Variants in FGD5 observed in about 807,000 individuals in gnomAD.
FGD5 encodes FYVE, RhoGEF and PH domain-containing protein 5.
Under a neutral mutation model 133.4 loss-of-function variants are expected in FGD5, and 28 were observed. That is an observed-to-expected ratio of 0.21 (90% confidence interval 0.16 to 0.29). FGD5 has a LOEUF of 0.29. Among genes scored for constraint, FGD5 ranks in the 10% least tolerant of loss-of-function variants. The pLI, the probability that FGD5 is intolerant of heterozygous loss-of-function variation, is 1.00. For synonymous variants in FGD5, 810 were observed against 776.5 expected, an observed-to-expected ratio of 1.04 and a Z score of -0.72; for missense variants, 1,858 against 1,895.2, an observed-to-expected ratio of 0.98 and a Z score of 0.36.
At chr3:14,913,946 C>A (rs898877319) in intron 11 of FGD5, among the ~76,000 whole-genome samples, 1 of 137,436 alleles carries the variant, frequency 7.3e-6, no homozygotes, top group Non-Finnish European at 1.6e-5. Context: ...TCCCCACACT[C>A]CCCCCGTCTG....
In FGD5 at chr3:14,890,137, C is replaced by T. The variant is rs1575235124; in HGVS notation, c.2749-7372C>T. ...ACTCCGCCTGAACCGTACTCCACCC[C>T]TCAGCTCCTCTTCCGCCTCAGGACC... On this transcript the variant is annotated intron_variant, in intron 4 of 19. Coordinates refer to ENST00000285046, the MANE Select transcript of FGD5 (RefSeq NM_152536.4). Among the ~76,000 whole-genome samples the T allele has an allele frequency of 2.0e-5, 3 of 152,200 alleles. No homozygotes were observed. The South Asian group carries it at 6.2e-4, about 31-fold the overall frequency.
intron 9 of FGD5, among the ~76,000 whole-genome samples, chr3:14,902,954 G>C (rs1375907596): frequency 3.3e-5 from 5 of 152,226 alleles, no homozygotes; most frequent in African/African-American, 1.2e-4. Flanking sequence ...GAAGTTGGAC[G>C]CTGTGCTGGG....
intron 1 of FGD5, among the ~76,000 whole-genome samples, chr3:14,850,142 C>T (rs918502094): frequency 5.3e-5 from 8 of 152,186 alleles, no homozygotes; most frequent in Non-Finnish European, 1.0e-4. Flanking sequence ...GGTCTGGCTT[C>T]CTCTGACTCC....
chr3:14,925,423 C>T (rs1431393199), intron 17 of FGD5, among the ~76,000 whole-genome samples: 1 of 152,044 alleles, frequency 6.6e-6, no homozygotes, highest in Admixed American at 6.6e-5. Flanking sequence ...ACATTGCATT[C>T]CTCTTTTACT....
intron 4 of FGD5, among the ~76,000 whole-genome samples, chr3:14,896,198 A>G (rs2125131132): frequency 6.6e-6 from 1 of 152,360 alleles, no homozygotes; most frequent in Admixed American, 6.5e-5. Context: ...TATTGCTAAA[A>G]TGACAATACT....
chr3:14,817,407 G>T (rs1011673973), upstream of FGD5, among the ~76,000 whole-genome samples: 2 of 152,278 alleles, frequency 1.3e-5, no homozygotes, highest in Admixed American at 1.3e-4. Context: ...TGTTGACCAG[G>T]CTGGTCTCGA....
intron 1 of FGD5, among the ~76,000 whole-genome samples, chr3:14,857,684 C>T (rs189439392): frequency 3.9e-5 from 6 of 152,112 alleles, no homozygotes; most frequent in African/African-American, 1.4e-4. Flanking sequence ...CCTTAGTGTC[C>T]GCTAGAGAGC....
chr3:14,877,467 G>A (rs971621122), intron 2 of FGD5, among the ~76,000 whole-genome samples: 10 of 152,214 alleles, frequency 6.6e-5, no homozygotes, highest in African/African-American at 2.4e-4. Context: ...AGAAGTTTGG[G>A]TATGGTGTGA....
chr3:14,910,970 G>A (rs2038437632), intron 11 of FGD5, 41 bp downstream of exon 11: 1 of 1,577,666 alleles, frequency 6.3e-7, no homozygotes. Flanking sequence ...GAACTGCCAA[G>A]TTCTATGAGG....
chr3:14,866,995 C>T (rs1200879873), intron 2 of FGD5, among the ~76,000 whole-genome samples: 3 of 152,160 alleles, frequency 2.0e-5, no homozygotes, highest in Admixed American at 2.0e-4. Flanking sequence ...CCAGACTTCT[C>T]ATCAGCTATA....
rs1363046188 is a variant in FGD5 at position 14,897,929 on chromosome 3, C to G, written c.2910-10C>G. On this transcript the variant is annotated splice_polypyrimidine_tract_variant and intron_variant, in intron 5 of 19. Transcript: ENST00000285046. ...AGTTCTCACTGTCCCATCCCCATTC[C>G]TGGCTGCAGGGAGAGCCAGCAGAAG... The G allele has an allele frequency of 6.2e-7, 1 of 1,613,930 alleles. No individual in the cohort carries two copies. Among genetic ancestry groups the G allele is most frequent in the Non-Finnish European group, 8.5e-7 (1 of 1,179,856 alleles).
chr3:14,929,761 A>G (rs187540677), intron 18 of FGD5, among the ~76,000 whole-genome samples: 180 of 152,316 alleles, frequency 1.2e-3, no homozygotes, highest in Non-Finnish European at 7.6e-4. Flanking sequence ...GGCTTTTGTC[A>G]GATAAATGTT....
At chr3:14,874,689 A>G (rs2037682655) in intron 2 of FGD5, among the ~76,000 whole-genome samples, 1 of 152,242 alleles carries the variant, frequency 6.6e-6, no homozygotes, top group African/African-American at 2.4e-5. Flanking sequence ...AGTCAGGAGT[A>G]GAAATCAGGC....
intron 2 of FGD5, among the ~76,000 whole-genome samples, chr3:14,879,643 G>C (rs2037787688): frequency 6.6e-6 from 1 of 152,220 alleles, no homozygotes; most frequent in African/African-American, 2.4e-5. Flanking sequence ...TGGTCATGCA[G>C]ATGTGGGAGT....
intron 1 of FGD5, among the ~76,000 whole-genome samples, chr3:14,828,253 G>C (rs868601546): frequency 6.6e-6 from 1 of 152,204 alleles, no homozygotes; most frequent in Non-Finnish European, 1.5e-5. Flanking sequence ...AGGACCCAAA[G>C]AGTAGGAGTC....
At chr3:14,898,927 C>A in intron 7 of FGD5, 101 bp downstream of exon 7, 1 of 1,066,472 alleles carries the variant, frequency 9.4e-7, no homozygotes, top group Non-Finnish European at 1.4e-6. Flanking sequence ...CTGACCATGT[C>A]AGGCAGGTGT....
In FGD5 at chr3:14,821,050, C is replaced by T. The variant is rs375231003; in HGVS notation, c.1979C>T (p.Thr660Met). 127 of 1,613,800 alleles carry T rather than the reference C, an allele frequency of 7.9e-5. No individual in the cohort carries two copies. Among genetic ancestry groups the T allele is most frequent in the Non-Finnish European group, 1.0e-4 (123 of 1,179,894 alleles). Residue 660 changes from threonine to methionine, a missense_variant, in exon 1 of 20, where the codon ACG becomes ATG. Thr to Met is a moderately conservative substitution (Grantham distance 81). Coordinates refer to ENST00000285046, the MANE Select transcript of FGD5 (RefSeq NM_152536.4). ...KSSFKRFLAL[T>M]FKKKTENKLH... is the part of the protein sequence containing the mutation. ...TCCTTTAAGCGCTTCCTGGCACTGA[C>T]GTTTAAGAAGAAGACGGAGAACAAA...
At chr3:14,868,649 A>T (rs925819385) in intron 2 of FGD5, among the ~76,000 whole-genome samples, 5 of 152,186 alleles carry the variant, frequency 3.3e-5, no homozygotes, top group African/African-American at 1.2e-4. Context: ...AGGGGCTCTG[A>T]ACCACAGCCT....
At chr3:14,846,397 A>G (rs558013992) in intron 1 of FGD5, among the ~76,000 whole-genome samples, 4 of 152,148 alleles carry the variant, frequency 2.6e-5, no homozygotes, top group African/African-American at 9.6e-5. Flanking sequence ...CCAGCTTTCT[A>G]TTGTCGTGGT....
Sources: gnomAD v4.1 joint callset for allele counts (sites outside exome capture counted in the v4.1 genomes callset) on GRCh38, gnomAD v4.1.1 for gene constraint, MANE v1.5 for transcripts, NCBI Gene and HGNC (gene_info 2026-07-23, HGNC 2026-07-21) for gene names.